Variants in LETMD1 observed in about 807,000 individuals in gnomAD.
The protein encoded by LETMD1 is LETM1 domain-containing protein 1.
In LETMD1, 30 loss-of-function variants were observed where a neutral mutation model predicts 43.9. The ratio of observed to expected loss-of-function variants is 0.68; its 90% CI spans 0.51 to 0.93. The LOEUF (loss-of-function observed/expected upper bound fraction) is 0.93. Among genes scored for constraint, LETMD1 ranks in the 40% least tolerant of loss-of-function variants. LETMD1 has a pLI of 0.00. For missense variants in LETMD1, 413 were observed against 447.7 expected (o/e 0.92, Z 0.70); for synonymous variants, 176 against 163.1 (o/e 1.08, Z -0.60).
downstream of LETMD1, chr12:51,061,963 T>A (rs995419291): frequency 3.3e-5 from 5 of 152,158 alleles, no homozygotes; most frequent in African/African-American, 1.2e-4. Context: ...AGAGCTCAGG[T>A]ACTTAAAAGA....
chr12:51,068,175 G>T, the LETMD1 span, among the ~76,000 whole-genome samples: 1 of 152,220 alleles, frequency 6.6e-6, no homozygotes, highest in East Asian at 1.9e-4. Flanking sequence ...TTATTTTTTT[G>T]AGACAAAAGT....
intron 2 of LETMD1, among the ~76,000 whole-genome samples, chr12:51,049,595 G>A (rs549953132): frequency 6.6e-6 from 1 of 152,300 alleles, no homozygotes; most frequent in Admixed American, 6.5e-5. Flanking sequence ...GTATGTTGTA[G>A]TGGCAATAGC....
chr12:51,055,677 A>AC (rs1947452390), intron 4 of LETMD1, 158 bp from the exon 5 acceptor site: 1 of 424,732 alleles, frequency 2.4e-6, no homozygotes, highest in East Asian at 4.0e-5. Flanking sequence ...AAAAAAAAAA[A>AC]AAAAAAAAAA....
rs543583229 is a variant in LETMD1 at position 51,048,941 on chromosome 12, A to G, written c.123-93A>G. 5.5e-5 allele frequency: 67 copies of G among 1,216,466 alleles called. No individual in the cohort carries two copies. The African/African-American group carries it at 9.1e-4, about 17-fold the overall frequency. 75.4% of individuals were successfully genotyped at this position (1,216,466 alleles called of 1,614,324 possible). A position where few individuals can be genotyped will look rare whatever the true frequency, so the allele number is the denominator to read the frequency against. On this transcript the variant is annotated intron_variant, in intron 1 of 8. Coordinates refer to ENST00000262055, the MANE Select transcript of LETMD1 (RefSeq NM_015416.5). ...TCAGAAGTGTCAAGCCTTGGGATACAATCTCCGAGACTCCTGCTTTACATT... is the reference window on the plus strand; with the variant it reads ...TCAGAAGTGTCAAGCCTTGGGATACGATCTCCGAGACTCCTGCTTTACATT...
At chr12:51,064,775 G>A (rs2029147), downstream of LETMD1, 883,140 of 955,442 alleles carry the variant, frequency 0.92, 408,765 homozygotes, top group East Asian at 0.98. Flanking sequence ...AGGTCTCCTT[G>A]TAAGAAGAAA....
At chr12:51,064,118 A>G (rs765235666), downstream of LETMD1, 5 of 1,614,018 alleles carry the variant, frequency 3.1e-6, no homozygotes, top group South Asian at 1.1e-5. Context: ...GCTCCACTTG[A>G]TAATAGACCA....
At chr12:51,059,170 C>A in intron 8 of LETMD1, 191 bp from the exon 9 acceptor site, 1 of 572,440 alleles carries the variant, frequency 1.7e-6, no homozygotes. Flanking sequence ...TGAGTTGATA[C>A]GAATATATAG....
intron 3 of LETMD1, among the ~76,000 whole-genome samples, chr12:51,052,786 A>G (rs2136602237): frequency 6.6e-6 from 1 of 150,966 alleles, no homozygotes; most frequent in African/African-American, 2.4e-5. Context: ...ATCTCAAAAA[A>G]AAATAATAAT....
chr12:51,062,054 A>T (rs1948848413), downstream of LETMD1: 1 of 152,326 alleles, frequency 6.6e-6, no homozygotes, highest in Middle Eastern at 3.4e-3. Context: ...AACTAAAACC[A>T]AGCAAAAACT....
the LETMD1 span, among the ~76,000 whole-genome samples, chr12:51,068,244 G>A: frequency 6.6e-6 from 1 of 152,032 alleles, no homozygotes; most frequent in Non-Finnish European, 1.5e-5. Flanking sequence ...TACAACCTCC[G>A]CCTCCCGGGT....
the LETMD1 span, among the ~76,000 whole-genome samples, chr12:51,068,952 GA>G: frequency 6.6e-6 from 1 of 152,088 alleles, no homozygotes; most frequent in Non-Finnish European, 1.5e-5. Flanking sequence ...CCTTGGCCGA[GA>G]AAAAATGTAT....
At position 51,059,725 on chromosome 12, in the gene LETMD1, G is replaced by T. The variant is rs921302998; in HGVS notation, c.*294G>T. ...CAGCAGCCTCTACTGGGCTTTTACTGTGATGTGTTCAGTTCATGTCCTAGG... is the reference window on the plus strand; with the variant it reads ...CAGCAGCCTCTACTGGGCTTTTACTTTGATGTGTTCAGTTCATGTCCTAGG... On this transcript the variant is annotated 3_prime_UTR_variant, in exon 9 of 9. Transcript: ENST00000262055. 4.8e-6 allele frequency: 2 copies of T among 414,510 alleles called. No individual in the cohort carries two copies. The highest frequency in any genetic ancestry group is 9.1e-6 in the Non-Finnish European group (2 of 219,502). The allele number at this position is 414,510 out of a possible 1,614,324, so 25.7% of individuals were successfully genotyped here.
intron 4 of LETMD1, among the ~76,000 whole-genome samples, chr12:51,055,409 A>C (rs1002320358): frequency 6.6e-6 from 1 of 152,112 alleles, no homozygotes; most frequent in African/African-American, 2.4e-5. Flanking sequence ...TCTCACCAGT[A>C]ATCCCAGCAC....
downstream of LETMD1, chr12:51,063,040 A>T (rs1378181254): frequency 6.6e-6 from 1 of 152,246 alleles, no homozygotes; most frequent in African/African-American, 2.4e-5. Context: ...AAAAGGATGG[A>T]GAGAAAAAAG....
downstream of LETMD1, chr12:51,064,648 A>G (rs1163633597): frequency 1.3e-6 from 2 of 1,529,406 alleles, no homozygotes; most frequent in Non-Finnish European, 1.8e-6. Context: ...GAGCAGCCAC[A>G]TGGAAAGGAC....
At chr12:51,053,907 T>G in intron 4 of LETMD1, 47 bp downstream of exon 4, 1 of 1,270,032 alleles carries the variant, frequency 7.9e-7, no homozygotes, top group South Asian at 1.3e-5. Context: ...ATGTATCAAT[T>G]TTTTTAAATT....
Position 51,058,084 on chromosome 12 carries a change from G to A in LETMD1, c.968G>A (p.Arg323Gln), listed in dbSNP as rs112499329. The A allele has an allele frequency of 3.3e-3, 5,351 of 1,613,768 alleles. 9 individuals carry two copies. The highest frequency in any genetic ancestry group is 4.0e-3 in the Non-Finnish European group (4,740 of 1,179,710). Residue 323 changes from arginine to glutamine, a missense_variant, in exon 8 of 9, where the codon CGA becomes CAA. Physicochemically the swap from Arg to Gln is conservative, Grantham distance 43. Coordinates refer to ENST00000262055, the MANE Select transcript of LETMD1 (RefSeq NM_015416.5). ...NSTHIGEDRC[R>Q]TWLGEWLQIS... ...ACGCATATTGGTGAAGATAGGTGTC[G>A]AACTTGGCTGGGAGAATGGCTGCAG... is the stretch of plus-strand genomic sequence containing the variant.
rs1210784491 is a variant in LETMD1 at position 51,058,118 on chromosome 12, C to G, written c.1002C>G (p.Cys334Trp). 6 of 1,602,886 alleles carry G rather than the reference C, an allele frequency of 3.7e-6. No individual in the cohort carries two copies. Among genetic ancestry groups the G allele is most frequent in the Non-Finnish European group, 5.1e-6 (6 of 1,169,918 alleles). Residue 334 changes from cysteine (C) to tryptophan (W), a missense_variant, in exon 8 of 9, where the codon TGC becomes TGG. Physicochemically the swap from Cys to Trp is radical, Grantham distance 215. Coordinates refer to ENST00000262055, the MANE Select transcript of LETMD1 (RefSeq NM_015416.5). ...TWLGEWLQIS[C>W]SLKEAELSLL... is the part of the protein sequence containing the mutation. ...TGGGAGAATGGCTGCAGATTTCCTG[C>G]AGCCTGAAAGGTAAAACACATTTCT...
downstream of LETMD1, chr12:51,060,516 TGATGG>T (rs1948770719): frequency 6.6e-6 from 1 of 152,222 alleles, no homozygotes; most frequent in Admixed American, 6.5e-5. Context: ...TAGAACCTTC[TGATGG>T]GATGGAAGTT....
Sources: allele counts gnomAD v4.1 joint callset (sites outside exome capture counted in the v4.1 genomes callset), GRCh38; gene constraint gnomAD v4.1.1; transcripts MANE v1.5; gene names NCBI Gene and HGNC (gene_info 2026-07-23, HGNC 2026-07-21).